Variants in SYNDIG1 observed in about 807,000 individuals in gnomAD.
The protein encoded by SYNDIG1 is synapse differentiation inducing 1.
Under a neutral mutation model 19.4 loss-of-function variants are expected in SYNDIG1, and 9 were observed. The observed-to-expected ratio is 0.46, with a 90% CI of 0.28 to 0.81. The LOEUF (loss-of-function observed/expected upper bound fraction) is 0.81, where lower values mean the gene tolerates loss of function less well. SYNDIG1 is among the 30% of genes least tolerant of loss of function. SYNDIG1 has a pLI of 0.12. For synonymous variants in SYNDIG1, 141 were observed against 145.9 expected (o/e 0.97, Z 0.24); for missense variants, 311 against 343.3 (o/e 0.91, Z 0.74).
At chr20:24,561,356 T>C (rs6106908) in intron 2 of SYNDIG1, among the ~76,000 whole-genome samples, 5,174 of 152,218 alleles carry the variant, frequency 0.034, 207 homozygotes, top group African/African-American at 0.099. Flanking sequence ...TGTCCTCCAA[T>C]TTGCCATTTG....
rs143398414 is a variant in SYNDIG1, at chr20:24,605,401, T to C, written c.618+20408T>C. Among the ~76,000 whole-genome samples the C allele has an allele frequency of 1.4e-4, 21 of 152,332 alleles. No homozygotes were observed. The East Asian group carries it at 4.0e-3, about 29-fold the overall frequency. ...AGGGAAATGTGTGAGGGCAGTTAAA[T>C]AGTCAAATGGTATCTCTCCTCTCTC... On this transcript the variant is annotated intron_variant, in intron 3 of 3. Coordinates refer to ENST00000376862, the MANE Select transcript of SYNDIG1 (RefSeq NM_024893.3).
intron 3 of SYNDIG1, among the ~76,000 whole-genome samples, chr20:24,614,797 T>A (rs1411578574): frequency 2.0e-5 from 3 of 152,206 alleles, no homozygotes; most frequent in African/African-American, 7.2e-5. Flanking sequence ...CTTCGCCTAT[T>A]TAAATGCCTA....
chr20:24,482,096 A>C lies in SYNDIG1; in HGVS notation c.-79+12343A>C, dbSNP rs931341009. On this transcript the variant is annotated intron_variant, in intron 1 of 3. Coordinates refer to ENST00000376862, the MANE Select transcript of SYNDIG1 (RefSeq NM_024893.3). Reference sequence around the variant, plus strand: ...AAGAAAACACAAACAACCTAATTAAAAACTGAGCTCATGCCATGGAGAAAA... The same window carrying C: ...AAGAAAACACAAACAACCTAATTAACAACTGAGCTCATGCCATGGAGAAAA... 7.2e-5 allele frequency among the ~76,000 whole-genome samples: 11 copies of C among 152,354 alleles called. No individual in the cohort carries two copies. In the East Asian group the frequency reaches 2.1e-3, roughly 29 times the overall value.
chr20:24,547,368 T>C (rs930323747), intron 2 of SYNDIG1, among the ~76,000 whole-genome samples: 2 of 152,242 alleles, frequency 1.3e-5, no homozygotes, highest in Non-Finnish European at 1.5e-5. Flanking sequence ...GTTGTGGTAG[T>C]AACAAGAACA....
chr20:24,608,105 A>G (rs2058786000), intron 3 of SYNDIG1, among the ~76,000 whole-genome samples: 3 of 152,228 alleles, frequency 2.0e-5, no homozygotes, highest in Admixed American at 1.3e-4. Context: ...TTTTAATTAT[A>G]AAGATATGAT....
At chr20:24,529,626 TA>T (rs2057199835) in intron 1 of SYNDIG1, among the ~76,000 whole-genome samples, 1 of 152,234 alleles carries the variant, frequency 6.6e-6, no homozygotes, top group Non-Finnish European at 1.5e-5. Context: ...TTCAACTACT[TA>T]AAAATGTGAA....
At chr20:24,538,062 T>C (rs6083551) in intron 1 of SYNDIG1, among the ~76,000 whole-genome samples, 2 of 152,228 alleles carry the variant, frequency 1.3e-5, no homozygotes, top group South Asian at 2.1e-4. Flanking sequence ...AGCTCTTCTT[T>C]TTATGTTTTA....
Position 24,665,397 on chromosome 20 carries a change from C to A in SYNDIG1, c.670C>A (p.Arg224=), listed in dbSNP as rs146301956. The part of the protein sequence containing the change: ...GDLHQASTSS[R]RALFLAVLSI... ...CTTGCACCAGGCCAGCACCAGCTCC[C>A]GGCGGGCCCTATTCCTGGCAGTGCT... The change falls in exon 4 of 4, where the codon CGG becomes AGG. Residue 224 remains arginine, a synonymous_variant. Coordinates refer to ENST00000376862, the MANE Select transcript of SYNDIG1 (RefSeq NM_024893.3). 1.2e-4 allele frequency: 197 copies of A among 1,612,086 alleles called. No homozygotes were observed. In the African/African-American group the frequency reaches 2.4e-3, roughly 19 times the overall value.
At chr20:24,587,847 T>G (rs534542254) in intron 3 of SYNDIG1, among the ~76,000 whole-genome samples, 1 of 152,128 alleles carries the variant, frequency 6.6e-6, no homozygotes, top group East Asian at 1.9e-4. Flanking sequence ...TGACTTTGGG[T>G]TTTTTTTCCC....
intron 3 of SYNDIG1, among the ~76,000 whole-genome samples, chr20:24,650,123 T>C (rs2059455542): frequency 6.6e-6 from 1 of 152,110 alleles, no homozygotes; most frequent in Non-Finnish European, 1.5e-5. Context: ...CTGGGTGTGG[T>C]TCAGAAAGCA....
intron 1 of SYNDIG1, among the ~76,000 whole-genome samples, chr20:24,508,431 GT>G (rs1396678005): frequency 2.7e-3 from 10 of 3,680 alleles, no homozygotes; most frequent in Non-Finnish European, 4.5e-3. Context: ...GTTTCACCAT[GT>G]TGGCCAAACT....
chr20:24,489,618 GCA>G (rs1045485678), intron 1 of SYNDIG1, among the ~76,000 whole-genome samples: 2 of 152,110 alleles, frequency 1.3e-5, no homozygotes, highest in Admixed American at 6.5e-5. Context: ...ATACATGAAT[GCA>G]CACACACATG....
intron 2 of SYNDIG1, among the ~76,000 whole-genome samples, chr20:24,550,248 T>C (rs561990115): frequency 7.2e-5 from 11 of 152,328 alleles, no homozygotes; most frequent in Admixed American, 2.6e-4. Flanking sequence ...GAGACCTAGG[T>C]TAATCCCATA....
At chr20:24,566,912 G>C (rs1015147970) in intron 2 of SYNDIG1, among the ~76,000 whole-genome samples, 1 of 152,180 alleles carries the variant, frequency 6.6e-6, no homozygotes, top group African/African-American at 2.4e-5. Context: ...CTAGTTGAAG[G>C]TCCAAATGCA....
intron 1 of SYNDIG1, 38 bp downstream of exon 1, chr20:24,469,791 G>GGGCCCGCAGTGGGCGGGGTCGC (rs2055362624): frequency 6.6e-6 from 1 of 151,514 alleles, no homozygotes; most frequent in African/African-American, 2.4e-5. Context: ...GCGGGCGGAG[G>GGGCCCGCAGTGGGCGGGGTCGC]GGCCCGCAGT....
At chr20:24,571,836 A>T (rs777655408) in intron 2 of SYNDIG1, among the ~76,000 whole-genome samples, 18 of 152,326 alleles carry the variant, frequency 1.2e-4, no homozygotes, top group Admixed American at 2.6e-4. Flanking sequence ...GAAGAAACAG[A>T]CATTGACCCT....
intron 2 of SYNDIG1, among the ~76,000 whole-genome samples, chr20:24,556,530 G>C (rs1292697151): frequency 6.6e-6 from 1 of 152,126 alleles, no homozygotes; most frequent in African/African-American, 2.4e-5. Flanking sequence ...GCATTTGCTT[G>C]TCTGTAAAGT....
At chr20:24,623,184 A>AG (rs1320131320) in intron 3 of SYNDIG1, among the ~76,000 whole-genome samples, 1 of 151,854 alleles carries the variant, frequency 6.6e-6, no homozygotes, top group Non-Finnish European at 1.5e-5. Flanking sequence ...GTCAAAAAAA[A>AG]AAAAGAAAAG....
intron 2 of SYNDIG1, among the ~76,000 whole-genome samples, chr20:24,545,285 C>A (rs1352135460): frequency 6.6e-6 from 1 of 152,138 alleles, no homozygotes; most frequent in East Asian, 1.9e-4. Flanking sequence ...TCTGCGCAGG[C>A]CCCAATGCCC....
Sources: gnomAD v4.1 joint callset for allele counts (sites outside exome capture counted in the v4.1 genomes callset) on GRCh38, gnomAD v4.1.1 for gene constraint, MANE v1.5 for transcripts, NCBI Gene and HGNC (gene_info 2026-07-23, HGNC 2026-07-21) for gene names.